The following ASAH2 variants were observed in gnomAD, a reference collection of about 807,000 sequenced individuals.
ASAH2 encodes N-acylsphingosine amidohydrolase 2.
ASAH2 carries 58 observed loss-of-function variants against 82.9 expected under a neutral mutation model. That is an observed-to-expected ratio of 0.70 (90% CI 0.57 to 0.87). The LOEUF is 0.87. ASAH2 is among the 40% of genes least tolerant of loss of function. ASAH2 has a pLI of 0.00. For missense variants in ASAH2, 779 were observed against 834.0 expected, an observed-to-expected ratio of 0.93 and a Z score of 0.81; for synonymous variants, 276 against 289.7, an observed-to-expected ratio of 0.95 and a Z score of 0.48.
intron 4 of ASAH2, 28 bp downstream of exon 4, chr10:50,243,174 C>T: frequency 1.2e-6 from 2 of 1,610,384 alleles, no homozygotes; most frequent in Non-Finnish European, 1.7e-6. Context: ...ATCATTTCTT[C>T]ATTCATTTCT....
chr10:50,198,642 A>G (rs1266049971), intron 17 of ASAH2, among the ~76,000 whole-genome samples: 4 of 151,988 alleles, frequency 2.6e-5, no homozygotes, highest in African/African-American at 9.7e-5. Flanking sequence ...GTGAGTGGGG[A>G]GAATCTGGCA....
At chr10:50,218,653 A>G in intron 7 of ASAH2, 23 bp from the exon 8 acceptor site, 1 of 1,613,694 alleles carries the variant, frequency 6.2e-7, no homozygotes, top group Non-Finnish European at 8.5e-7. Flanking sequence ...AAGAAGCTCT[A>G]AATTAATCAG....
rs773108125 is a variant in ASAH2, at chr10:50,245,389, G to A, written c.193C>T (p.Gln65Ter). The A allele has an allele frequency of 1.2e-6, 2 of 1,613,908 alleles. No individual in the cohort carries two copies. Among genetic ancestry groups the A allele is most frequent in the South Asian group, 1.1e-5 (1 of 91,060 alleles). Residue 65 changes from glutamine to a stop codon, truncating the protein, a stop_gained, in exon 3 of 21, where the codon CAA becomes TAA. Transcript: ENST00000682911. LOFTEE classifies it high-confidence loss of function. ...PPATQGSTAAQRSTATQHSTA... is the reference protein window; with the variant it reads ...PPATQGSTAA ...GAATGCTGGGTGGCTGTGGAGCGTT[G>A]GGCAGCTGTGGAGCCCTGGGTGGCT...
Position 50,206,018 on chromosome 10 carries a change from A to G in ASAH2, c.1494T>C (p.Cys498=). The stretch of plus-strand genomic sequence containing the variant: ...GAAGAAGGATGGGCTTTGGTTTATG[A>G]CATTCTTTAATTTCTTCAGATGGCT... ...LGKPSEEIKE[C]HKPKPILLHT... The change falls in exon 13 of 21, where the codon TGT becomes TGC. Residue 498 remains cysteine, a synonymous_variant. Coordinates refer to ENST00000682911, the MANE Select transcript of ASAH2 (RefSeq NM_019893.4). 6.2e-7 allele frequency: 1 copy of G among 1,612,622 alleles called. No individual in the cohort carries two copies. The highest frequency in any genetic ancestry group is 8.5e-7 in the Non-Finnish European group (1 of 1,178,864).
At chr10:50,248,917 C>A (rs1031001023) in intron 1 of ASAH2, among the ~76,000 whole-genome samples, 15 of 152,328 alleles carry the variant, frequency 9.8e-5, no homozygotes, top group Admixed American at 3.9e-4. Flanking sequence ...CTGAGCTCAA[C>A]TGAGCTAAAA....
rs1299589065 is a variant in ASAH2 at position 50,199,907 on chromosome 10, T to C, written c.1762-761A>G. Among the ~76,000 whole-genome samples the C allele has an allele frequency of 3.3e-5, 5 of 151,732 alleles. No individual in the cohort carries two copies. In the South Asian group the frequency reaches 6.2e-4, roughly 19 times the overall value. ...ATTTCACCTTAGTTCAAACCCTCAT[T>C]TCTCACCCAGATCTCTTTTTTTATA... On this transcript the variant is annotated intron_variant, in intron 16 of 20. Coordinates refer to ENST00000682911, the MANE Select transcript of ASAH2 (RefSeq NM_019893.4).
At position 50,245,445 on chromosome 10, in the gene ASAH2, C is replaced by T. The variant is rs765745051; in HGVS notation, c.137G>A (p.Gly46Asp). 3.1e-6 allele frequency: 5 copies of T among 1,612,406 alleles called. No individual in the cohort carries two copies. The African/African-American group carries it at 5.3e-5, about 17-fold the overall frequency. The change falls in exon 3 of 21, where the codon GGC (glycine) becomes GAC (aspartate). Residue 46 changes from glycine to aspartate, a missense_variant. By Grantham distance (94) the Gly-to-Asp change is moderately conservative (BLOSUM62 -1). Coordinates refer to ENST00000682911, the MANE Select transcript of ASAH2 (RefSeq NM_019893.4). Reference sequence around the variant, plus strand: ...GCTTTGGGTGGTTGAAAAAAAATGGCCTCCTAAATCTAAAACAGAATAAGA... The same window carrying T: ...GCTTTGGGTGGTTGAAAAAAAATGGTCTCCTAAATCTAAAACAGAATAAGA... ...GTIENHKDLG[G>D]HFFSTTQSPP... is the part of the protein sequence containing the mutation.
At chr10:50,193,157 C>T (rs1187539047) in intron 18 of ASAH2, among the ~76,000 whole-genome samples, 2 of 142,658 alleles carry the variant, frequency 1.4e-5, no homozygotes, top group African/African-American at 5.1e-5. Context: ...ATCCTCCCCC[C>T]TGAAACGACT....
At position 50,227,288 on chromosome 10, in the gene ASAH2, A is replaced by G. The variant is rs912964408; in HGVS notation, c.893+5896T>C. Among the ~76,000 whole-genome samples, 1,007 of 152,324 alleles carry G rather than the reference A, an allele frequency of 6.6e-3. 10 individuals carry two copies. Among genetic ancestry groups the G allele is most frequent in the African/African-American group, 0.023 (943 of 41,586 alleles). ...GACTATGTAGACTTTAAGACAAAAAAAACACATTATTAGATAAGAAGAGGA... is the reference window on the plus strand; with the variant it reads ...GACTATGTAGACTTTAAGACAAAAAGAACACATTATTAGATAAGAAGAGGA... On this transcript the variant is annotated intron_variant, in intron 7 of 20. Transcript: ENST00000682911.
At chr10:50,194,617 A>G (rs1165172805) in intron 18 of ASAH2, among the ~76,000 whole-genome samples, 1 of 151,200 alleles carries the variant, frequency 6.6e-6, no homozygotes, top group Non-Finnish European at 1.5e-5. Flanking sequence ...TCTTCAGCAA[A>G]AAAAACAAAG....
At chr10:50,218,069 A>T (rs1845652927) in intron 8 of ASAH2, among the ~76,000 whole-genome samples, 1 of 152,202 alleles carries the variant, frequency 6.6e-6, no homozygotes, top group Non-Finnish European at 1.5e-5. Flanking sequence ...GGTTTCAATG[A>T]GCTGAGATCG....
At chr10:50,221,698 G>GGACA (rs1845753185) in intron 7 of ASAH2, among the ~76,000 whole-genome samples, 2 of 147,230 alleles carry the variant, frequency 1.4e-5, no homozygotes, top group Admixed American at 1.4e-4. Flanking sequence ...ATAGATGGAT[G>GGACA]GATAGATAGA....
rs1261210398 is a variant in ASAH2 at position 50,233,227 on chromosome 10, A to G, written c.850T>C (p.Leu284=). 2 of 1,612,012 alleles carry G rather than the reference A, an allele frequency of 1.2e-6. No individual in the cohort carries two copies. The highest frequency in any genetic ancestry group is 2.2e-5 in the East Asian group (1 of 44,874). Residue 284 remains leucine, a synonymous_variant, in exon 7 of 21, where the codon TTG becomes CTG. Transcript: ENST00000682911. The part of the protein sequence containing the change: ...SSNTDKEMIV[L]KMVDLNGDDL... ...TCTCCATTCAAATCTACCATTTTCA[A>G]AACTATCATTTCCTTGTCTGTATTT...
intron 14 of ASAH2, 146 bp downstream of exon 14, chr10:50,204,715 A>C: frequency 4.7e-6 from 3 of 641,988 alleles, no homozygotes; most frequent in South Asian, 4.2e-5. Context: ...CCAGCAAAAG[A>C]GGGTAGGAAT....
intron 3 of ASAH2, 96 bp from the exon 4 acceptor site, chr10:50,243,447 A>G: frequency 2.3e-6 from 3 of 1,302,168 alleles, no homozygotes; most frequent in Admixed American, 5.0e-5. Flanking sequence ...CAGAAAAACA[A>G]AGAAAAACAT....
chr10:50,187,136 ACACACAC>A lies in ASAH2; in HGVS notation c.*172_*178del, dbSNP rs1844772418. 3.1e-6 allele frequency: 1 copy of A among 317,586 alleles called. No individual in the cohort carries two copies. The highest frequency in any genetic ancestry group is 6.3e-6 in the Non-Finnish European group (1 of 158,770). The allele number at this position is 317,586 out of a possible 1,614,324, so 19.7% of individuals were successfully genotyped here. The stretch of plus-strand genomic sequence containing the variant: ...CTCTCTCTCACACACACACACACAC[ACACACAC>A]ACACACACACACACACACACCCCTC... On this transcript the variant is annotated 3_prime_UTR_variant, in exon 21 of 21. Transcript: ENST00000682911.
chr10:50,215,380 A>G (rs1845567202), intron 8 of ASAH2, among the ~76,000 whole-genome samples: 1 of 151,380 alleles, frequency 6.6e-6, no homozygotes, highest in South Asian at 2.1e-4. Context: ...ACCCATCCCT[A>G]TGTCCTAAAT....
chr10:50,240,555 A>G, intron 4 of ASAH2: 1 of 702,154 alleles, frequency 1.4e-6, no homozygotes, highest in East Asian at 2.7e-5. Flanking sequence ...CATATCACCC[A>G]CAGAATTAAA....
intron 8 of ASAH2, among the ~76,000 whole-genome samples, chr10:50,216,522 A>G (rs943142840): frequency 7.2e-5 from 11 of 152,196 alleles, no homozygotes; most frequent in Non-Finnish European, 1.3e-4. Context: ...AATCTAGTCT[A>G]TTGTGTTTTA....
Sources: allele counts gnomAD v4.1 joint callset (sites outside exome capture counted in the v4.1 genomes callset), GRCh38; gene constraint gnomAD v4.1.1; transcripts MANE v1.5; gene names NCBI Gene and HGNC (gene_info 2026-07-23, HGNC 2026-07-21).